The following CCDC136 variants were observed in gnomAD, a reference collection of about 807,000 sequenced individuals.
CCDC136 encodes coiled-coil domain containing 136, also known as coiled-coil domain-containing protein 136.
In CCDC136, 100 loss-of-function variants were observed where a neutral mutation model predicts 141.2. The ratio of observed to expected loss-of-function variants is 0.71; its 90% CI spans 0.60 to 0.84. CCDC136 has a LOEUF of 0.84. Ranked by LOEUF, CCDC136 falls within the 40% of genes least tolerant of loss-of-function variation. The pLI, the probability that CCDC136 is intolerant of heterozygous loss-of-function variation, is 0.00. For missense variants in CCDC136, 1,206 were observed against 1,379.4 expected (o/e 0.87, Z 1.99); for synonymous variants, 474 against 531.9 (o/e 0.89, Z 1.50).
chr7:128,801,204 GGGA>G lies in CCDC136; in HGVS notation c.370_372del (p.Glu124del), dbSNP rs1391230121. 6.2e-7 allele frequency: 1 copy of G among 1,613,226 alleles called. No individual in the cohort carries two copies. The highest frequency in any genetic ancestry group is 8.5e-7 in the Non-Finnish European group (1 of 1,179,312). ...TTTGCAGGTGAGCTGCGTTCTCTAC[GGGA>G]GGAGATTTCCCTGTTAGAGCATGAG... On this transcript the variant is annotated inframe_deletion, in exon 4 of 18. Transcript: ENST00000297788.
At position 128,816,327 on chromosome 7, in the gene CCDC136, A is replaced by T. The variant is rs1585126231; in HGVS notation, c.3363+396A>T. 2.0e-5 allele frequency among the ~76,000 whole-genome samples: 3 copies of T among 152,338 alleles called. No homozygotes were observed. The East Asian group carries it at 5.8e-4, about 29-fold the overall frequency. ...CAGGCCATTTCTGTCGGTCTGGGCA[A>T]GTCACTCAGTCCAGTTTTCCTATGG... On this transcript the variant is annotated intron_variant, in intron 16 of 17. Coordinates refer to ENST00000297788, the MANE Select transcript of CCDC136 (RefSeq NM_022742.5).
chr7:128,796,722 A>AAT lies in CCDC136; in HGVS notation c.346+1971_346+1972dup, dbSNP rs149502865. Among the ~76,000 whole-genome samples, 554 of 120,674 alleles carry AAT rather than the reference A, an allele frequency of 4.6e-3. 27 individuals are homozygous for AAT. Among genetic ancestry groups the AAT allele is most frequent in the African/African-American group, 7.4e-3 (173 of 23,366 alleles). The allele number at this position is 120,674 out of a possible 152,430, so 79.2% of individuals were successfully genotyped here. On this transcript the variant is annotated intron_variant, in intron 3 of 17. Transcript: ENST00000297788. ...GGCTGTAGAAATGGAGATGATTCAG[A>AAT]ATATATATATATATATATTCTTTTT...
At position 128,809,622 on chromosome 7, in the gene CCDC136, C is replaced by T; in HGVS notation, c.1778C>T (p.Pro593Leu). 6.5e-7 allele frequency: 1 copy of T among 1,542,272 alleles called. No individual in the cohort carries two copies. Among genetic ancestry groups the T allele is most frequent in the Non-Finnish European group, 8.7e-7 (1 of 1,143,138 alleles). ...EELHRLTLPLPKSGLLLKSQE... is the reference protein window; with the variant it reads ...EELHRLTLPLLKSGLLLKSQE... ...CTGCACAGGCTCACACTGCCACTGCCAAAGAGTGGCCTCTTACTCAAGGTA... is the reference window on the plus strand; with the variant it reads ...CTGCACAGGCTCACACTGCCACTGCTAAAGAGTGGCCTCTTACTCAAGGTA... The change falls in exon 11 of 18, where the codon CCA becomes CTA. Residue 593 changes from proline (P) to leucine (L), a missense_variant. Transcript: ENST00000297788.
At chr7:128,812,645 G>A in intron 13 of CCDC136, 63 bp from the exon 14 acceptor site, 1 of 1,298,316 alleles carries the variant, frequency 7.7e-7, no homozygotes, top group Non-Finnish European at 1.1e-6. Context: ...GAAGGGCCCA[G>A]CAGAGTAGGG....
At chr7:128,804,791 AT>A (rs759286138) in intron 5 of CCDC136, 30 bp downstream of exon 5, 1 of 1,403,606 alleles carries the variant, frequency 7.1e-7, no homozygotes, top group Non-Finnish European at 9.9e-7. Flanking sequence ...GTGAGAGGTC[AT>A]GGGGTTCCAC....
chr7:128,814,672 A>G lies in CCDC136; in HGVS notation c.2798A>G (p.Gln933Arg). ...KELQTKLREL[Q>R]LQYQASMDEQ... ...CTGCAGACCAAGCTGCGGGAGCTGC[A>G]GCTGCAATACCAGGCTAGCATGGAT... Residue 933 changes from glutamine to arginine, a missense_variant, in exon 15 of 18, where the codon CAG (glutamine) becomes CGG (arginine). Gln to Arg is a conservative substitution (Grantham distance 43, BLOSUM62 1). Transcript: ENST00000297788. The G allele has an allele frequency of 6.3e-7, 1 of 1,596,742 alleles. No homozygotes were observed.
Position 128,821,712 on chromosome 7 carries a change from G to A in CCDC136, c.*6-87G>A. On this transcript the variant is annotated intron_variant, in intron 17 of 17. Coordinates refer to ENST00000297788, the MANE Select transcript of CCDC136 (RefSeq NM_022742.5). The surrounding 1 kb of genome is among the most constrained non-coding windows in gnomAD (Gnocchi z 5.1). ...GACTGATCCACAATGTTCCTGAGGT[G>A]TCTTGGGCACCCATAGGCAGGTGAC... is the stretch of plus-strand genomic sequence containing the variant. 1 of 1,079,340 alleles carries A rather than the reference G, an allele frequency of 9.3e-7. No homozygotes were observed. The highest frequency in any genetic ancestry group is 1.3e-5 in the South Asian group (1 of 75,314). The allele number at this position is 1,079,340 out of a possible 1,614,324, so 66.9% of individuals were successfully genotyped here. A position where few individuals can be genotyped will look rare whatever the true frequency, so the allele number is the denominator to read the frequency against.
chr7:128,791,399 C>T (rs1225201680), upstream of CCDC136: 6 of 896,038 alleles, frequency 6.7e-6, no homozygotes, highest in South Asian at 4.2e-5. This position sits in a 1 kb window ranked among gnomAD's most constrained non-coding sequence, Gnocchi z 7.1. Context: ...CCCCCTCGTC[C>T]GCCCTCCCTC....
intron 10 of CCDC136, chr7:128,808,840 G>A: frequency 1.0e-6 from 1 of 985,434 alleles, no homozygotes; most frequent in South Asian, 4.7e-5. Flanking sequence ...CTGGCAGACA[G>A]CACCTGCTTT....
intron 9 of CCDC136, 109 bp from the exon 10 acceptor site, chr7:128,807,251 G>C (rs1234997415): frequency 2.7e-6 from 2 of 747,104 alleles, no homozygotes; most frequent in African/African-American, 1.8e-5. Context: ...GATGAAATTG[G>C]GGCTGAGAAG....
In CCDC136 at chr7:128,804,735, G is replaced by T. The variant is rs761760147; in HGVS notation, c.756G>T (p.Gly252=). 19 of 1,599,062 alleles carry T rather than the reference G, an allele frequency of 1.2e-5. No homozygotes were observed. Among genetic ancestry groups the T allele is most frequent in the East Asian group, 4.5e-5 (2 of 44,328 alleles). The change falls in exon 5 of 18, where the codon GGG becomes GGT. Residue 252 remains glycine, a synonymous_variant. Transcript: ENST00000297788. ...AGGAGAGCAACAGCAGCCTCACGGG[G>T]CAGCTTGCAGATCTGGAGAGTGAGA... ...ALQESNSSLT[G]QLADLESERT... is the part of the protein sequence containing the mutation.
chr7:128,793,679 G>A (rs928323369), intron 1 of CCDC136, among the ~76,000 whole-genome samples: 9 of 152,128 alleles, frequency 5.9e-5, no homozygotes, highest in East Asian at 1.9e-4. Context: ...GCTCGATCTC[G>A]CCTCACTGCA....
rs775091670 is a variant in CCDC136 at position 128,812,310 on chromosome 7, G to C, written c.2539G>C (p.Glu847Gln). Residue 847 changes from glutamate to glutamine, a missense_variant and splice_region_variant, in exon 13 of 18, where the codon GAG becomes CAG. Physicochemically the swap from Glu to Gln is conservative, Grantham distance 29. Transcript: ENST00000297788. ...GGAACCTGCTGAGCCTGAAGACATGGAGGTAATGGTTGCCAGGTGACAGGT... is the reference window on the plus strand; with the variant it reads ...GGAACCTGCTGAGCCTGAAGACATGCAGGTAATGGTTGCCAGGTGACAGGT... Reference protein sequence around the residue: ...DEEPAEPEDMERFEEMVVKVL... With the variant: ...DEEPAEPEDMQRFEEMVVKVL... The C allele has an allele frequency of 1.2e-6, 2 of 1,610,184 alleles. No homozygotes were observed. Among genetic ancestry groups the C allele is most frequent in the Non-Finnish European group, 1.7e-6 (2 of 1,178,346 alleles).
intron 7 of CCDC136, 98 bp from the exon 8 acceptor site, chr7:128,806,139 C>G (rs1804799161): frequency 1.7e-6 from 2 of 1,179,550 alleles, no homozygotes; most frequent in African/African-American, 3.1e-5. Flanking sequence ...GTGGGAGCTC[C>G]TCAAGATGTC....
chr7:128,811,178 A>C (rs1218340525), intron 12 of CCDC136: 2 of 401,442 alleles, frequency 5.0e-6, no homozygotes, highest in Non-Finnish European at 1.0e-5. Flanking sequence ...GCTGGATCAT[A>C]TTCCAGGGGC....
chr7:128,812,341 AGGG>A, intron 13 of CCDC136, 29 bp downstream of exon 13: 1 of 1,596,274 alleles, frequency 6.3e-7, no homozygotes, highest in South Asian at 1.1e-5. Context: ...CAGGTCAGGC[AGGG>A]GACGATGGAC....
intron 10 of CCDC136, among the ~76,000 whole-genome samples, chr7:128,808,175 T>C (rs2128913176): frequency 6.6e-6 from 1 of 152,374 alleles, no homozygotes; most frequent in East Asian, 1.9e-4. Flanking sequence ...TAGCTGGGAC[T>C]ACAGGCACAT....
Position 128,792,527 on chromosome 7 carries a change from C to G in CCDC136, c.16+100C>G, listed in dbSNP as rs1585040947. 3.5e-6 allele frequency: 3 copies of G among 866,418 alleles called. No homozygotes were observed. The East Asian group carries it at 8.2e-5, about 24-fold the overall frequency. The allele number at this position is 866,418 out of a possible 1,614,324, so 53.7% of individuals were successfully genotyped here. A position where few individuals can be genotyped will look rare whatever the true frequency, so the allele number is the denominator to read the frequency against. Reference sequence around the variant, plus strand: ...CCAGGCCTCTGAGCCAGGACACAGCCCTTCCCTCAGTTCATCTTAGCCCCT... The same window carrying G: ...CCAGGCCTCTGAGCCAGGACACAGCGCTTCCCTCAGTTCATCTTAGCCCCT... On this transcript the variant is annotated intron_variant, in intron 1 of 17. Transcript: ENST00000297788.
rs1029749245 is a variant in CCDC136, at chr7:128,821,929, C to G, written c.*136C>G. ...GAGTGATGGCAGACCTTGGCCAGCG[C>G]GAGGGCAGATCCCCAGTGGCCACCA... On this transcript the variant is annotated 3_prime_UTR_variant, in exon 18 of 18. Transcript: ENST00000297788. This position sits in a 1 kb window ranked among gnomAD's most constrained non-coding sequence, Gnocchi z 5.1. 1 of 1,289,606 alleles carries G rather than the reference C, an allele frequency of 7.8e-7. No homozygotes were observed. The allele number at this position is 1,289,606 out of a possible 1,614,324, so 79.9% of individuals were successfully genotyped here.
Sources: allele counts gnomAD v4.1 joint callset (sites outside exome capture counted in the v4.1 genomes callset), GRCh38; gene constraint gnomAD v4.1.1; non-coding constraint Gnocchi (gnomAD v3.1); transcripts MANE v1.5; gene names NCBI Gene and HGNC (gene_info 2026-07-23, HGNC 2026-07-21).